LRMDA: variants seen among roughly 807,000 people sequenced by gnomAD.
LRMDA encodes the protein leucine rich melanocyte differentiation associated.
In LRMDA, 18 loss-of-function variants were observed where a neutral mutation model predicts 29.8. The ratio of observed to expected loss-of-function variants is 0.60; its 90% CI spans 0.42 to 0.90. LRMDA has a LOEUF of 0.90. LRMDA is among the 40% of genes least tolerant of loss of function. LRMDA has a pLI of 0.00. For missense variants in LRMDA, 273 were observed against 273.9 expected, an observed-to-expected ratio of 1.00 and a Z score of 0.02; for synonymous variants, 125 against 109.4, an observed-to-expected ratio of 1.14 and a Z score of -0.89.
intron 2 of LRMDA, chr10:75,451,575 T>C (rs775859566): frequency 2.6e-5 from 4 of 152,212 alleles, no homozygotes; most frequent in Non-Finnish European, 5.9e-5. Flanking sequence ...TTTACTTGGC[T>C]TTCTATTACA....
intron 5 of LRMDA, among the ~76,000 whole-genome samples, chr10:76,253,281 AT>A (rs749259908): frequency 1.8e-4 from 28 of 152,206 alleles, no homozygotes; most frequent in Non-Finnish European, 5.9e-5. Flanking sequence ...GTTTAAGGAC[AT>A]TGATTCATGG....
In LRMDA at chr10:75,942,731, A is replaced by G. The variant is rs80299610; in HGVS notation, c.132-93277A>G. ...TGATGAGGGATGCTGGTTGCTGCAC[A>G]CTGGGTCTTTGGGTTCCTGGTCTTT... On this transcript the variant is annotated intron_variant, in intron 2 of 6. Transcript: ENST00000611255. 6.4e-3 allele frequency among the ~76,000 whole-genome samples: 982 copies of G among 152,254 alleles called. 52 individuals are homozygous for G. The East Asian group carries it at 0.14, about 22-fold the overall frequency.
At chr10:75,755,487 G>A (rs1416890443) in intron 2 of LRMDA, among the ~76,000 whole-genome samples, 7 of 152,290 alleles carry the variant, frequency 4.6e-5, no homozygotes, top group Admixed American at 2.0e-4. Context: ...ATTCTAATGA[G>A]GAAAGAGACA....
chr10:75,840,575 G>T (rs146119917), intron 2 of LRMDA, among the ~76,000 whole-genome samples: 4 of 152,306 alleles, frequency 2.6e-5, no homozygotes, highest in Admixed American at 2.6e-4. Flanking sequence ...CTGTGTGTGT[G>T]TGCACACGAG....
At chr10:76,175,541 A>C (rs1034322020) in intron 5 of LRMDA, among the ~76,000 whole-genome samples, 1 of 152,214 alleles carries the variant, frequency 6.6e-6, no homozygotes, top group Admixed American at 6.5e-5. Context: ...TAAGGGTCTG[A>C]TATTCTAGCA....
At chr10:76,191,422 A>G (rs1851244082) in intron 5 of LRMDA, among the ~76,000 whole-genome samples, 2 of 152,172 alleles carry the variant, frequency 1.3e-5, no homozygotes, top group Admixed American at 1.3e-4. Flanking sequence ...AGGATATTTG[A>G]ATCCTTTGTC....
chr10:75,854,793 C>T (rs199605880), intron 2 of LRMDA, among the ~76,000 whole-genome samples: 2 of 151,996 alleles, frequency 1.3e-5, no homozygotes, highest in East Asian at 3.9e-4. Flanking sequence ...GTTCAATTCC[C>T]ACCTATGAGC....
intron 2 of LRMDA, among the ~76,000 whole-genome samples, chr10:75,769,830 A>AATATC (rs1399996191): frequency 6.6e-6 from 1 of 152,178 alleles, no homozygotes; most frequent in African/African-American, 2.4e-5. Flanking sequence ...TAAAAATACA[A>AATATC]ATATCAGCTT....
At chr10:76,487,266 C>A (rs1842791323) in intron 6 of LRMDA, among the ~76,000 whole-genome samples, 2 of 151,978 alleles carry the variant, frequency 1.3e-5, no homozygotes, top group East Asian at 1.9e-4. Context: ...TGGTGATGAA[C>A]CCCTAAGTCA....
intron 2 of LRMDA, among the ~76,000 whole-genome samples, chr10:75,577,720 TG>T (rs1024868419): frequency 2.9e-4 from 44 of 151,954 alleles, no homozygotes; most frequent in Middle Eastern, 3.4e-3. Context: ...CAGAAGAGAG[TG>T]GGGGCCAATA....
At chr10:75,772,897 A>G (rs1345279451) in intron 2 of LRMDA, among the ~76,000 whole-genome samples, 1 of 150,460 alleles carries the variant, frequency 6.6e-6, no homozygotes, top group Non-Finnish European at 1.5e-5. Flanking sequence ...TCAGGGATGT[A>G]TGGATCATCC....
rs116261673 is a variant in LRMDA at position 76,532,889 on chromosome 10, C to T, written c.602-24320C>T. On this transcript the variant is annotated intron_variant, in intron 6 of 6. Transcript: ENST00000611255. ...TTACATTGCTTTAGTTATCACAGTT[C>T]TTCTAATTGTGTGTTTCTCAGATGA... Among the ~76,000 whole-genome samples, 662 of 152,122 alleles carry T rather than the reference C, an allele frequency of 4.4e-3. 1 individual carries two copies. The highest frequency in any genetic ancestry group is 0.015 in the African/African-American group (620 of 41,494).
At chr10:75,503,228 C>G (rs192149070) in intron 2 of LRMDA, among the ~76,000 whole-genome samples, 57 of 151,578 alleles carry the variant, frequency 3.8e-4, no homozygotes, top group African/African-American at 1.0e-3. Flanking sequence ...TTGTGCTTGC[C>G]TTCTTTAAAA....
chr10:75,601,294 A>G (rs1434447385), intron 2 of LRMDA: 1 of 152,144 alleles, frequency 6.6e-6, no homozygotes, highest in Non-Finnish European at 1.5e-5. Flanking sequence ...GCTCAAAGGG[A>G]CTTCTTTGGC....
intron 6 of LRMDA, among the ~76,000 whole-genome samples, chr10:76,541,344 T>C (rs1843352556): frequency 6.6e-6 from 1 of 152,010 alleles, no homozygotes; most frequent in Admixed American, 6.6e-5. Flanking sequence ...CTACTAAAAA[T>C]ACCAAAATTA....
intron 5 of LRMDA, among the ~76,000 whole-genome samples, chr10:76,112,768 T>TTAA (rs2132115427): frequency 6.6e-6 from 1 of 152,220 alleles, no homozygotes; most frequent in South Asian, 2.1e-4. Flanking sequence ...AATGCTTTGC[T>TTAA]GTGTGTTCTA....
chr10:76,201,661 A>G (rs1461686093), intron 5 of LRMDA, among the ~76,000 whole-genome samples: 4 of 152,130 alleles, frequency 2.6e-5, no homozygotes, highest in African/African-American at 9.7e-5. Context: ...TGATTTGCTG[A>G]GGATATTGTG....
chr10:76,321,930 G>C (rs1840776435), intron 5 of LRMDA, among the ~76,000 whole-genome samples: 1 of 149,352 alleles, frequency 6.7e-6, no homozygotes, highest in Non-Finnish European at 1.5e-5. Context: ...GGGCAAGAGA[G>C]TGAGATTCTG....
chr10:76,471,677 A>G (rs184828354), intron 6 of LRMDA, among the ~76,000 whole-genome samples: 3 of 151,894 alleles, frequency 2.0e-5, no homozygotes, highest in African/African-American at 7.2e-5. Flanking sequence ...TTTATAAAAC[A>G]CACACTTTAG....
Sources: gnomAD v4.1 joint callset for allele counts (sites outside exome capture counted in the v4.1 genomes callset) on GRCh38, gnomAD v4.1.1 for gene constraint, MANE v1.5 for transcripts, NCBI Gene and HGNC (gene_info 2026-07-23, HGNC 2026-07-21) for gene names.